The following TENM3 variants were observed in gnomAD, a reference collection of about 807,000 sequenced individuals.
The protein encoded by TENM3 is teneurin transmembrane protein 3, also known as teneurin-3.
TENM3 carries 63 observed loss-of-function variants against 255.1 expected under a neutral mutation model. The ratio of observed to expected loss-of-function variants is 0.25; its 90% CI spans 0.20 to 0.30. The LOEUF (loss-of-function observed/expected upper bound fraction) is 0.30. TENM3 is among the 10% of genes least tolerant of loss of function. The probability of loss-of-function intolerance (pLI) is 1.00; values close to 1 mark genes in which losing one functional copy is unlikely to be tolerated. For missense variants in TENM3, 2,929 were observed against 3,461.1 expected (o/e 0.85, Z 3.86); for synonymous variants, 1,306 against 1,322.3 (o/e 0.99, Z 0.27).
At chr4:181,528,163 GATAC>G in the TENM3 span, among the ~76,000 whole-genome samples, 6 of 130,836 alleles carry the variant, frequency 4.6e-5, no homozygotes, top group South Asian at 6.0e-4. Flanking sequence ...TTATAAAATA[GATAC>G]TTAATATACA....
chr4:181,722,702 T>TA, the TENM3 span, among the ~76,000 whole-genome samples: 1 of 152,244 alleles, frequency 6.6e-6, no homozygotes, highest in Admixed American at 6.5e-5. Flanking sequence ...TAGTACATTT[T>TA]AAAATGAAAT....
chr4:181,749,427 T>G, the TENM3 span, among the ~76,000 whole-genome samples: 1 of 152,244 alleles, frequency 6.6e-6, no homozygotes, highest in African/African-American at 2.4e-5. Context: ...GTAAAGACCT[T>G]AAAACAGATC....
intron 3 of TENM3, among the ~76,000 whole-genome samples, chr4:182,568,121 A>C (rs376204354): frequency 5.2e-4 from 79 of 152,314 alleles, no homozygotes; most frequent in African/African-American, 1.7e-3. Flanking sequence ...TTCATCAGCA[A>C]ATCCTGCCAG....
intron 22 of TENM3, among the ~76,000 whole-genome samples, chr4:182,765,638 G>A (rs371956908): frequency 2.8e-4 from 42 of 151,574 alleles, no homozygotes; most frequent in East Asian, 1.4e-3. Flanking sequence ...ACTCACCTCC[G>A]TTTCCCAAGT....
At chr4:182,070,677 A>G in the TENM3 span, among the ~76,000 whole-genome samples, 27 of 152,168 alleles carry the variant, frequency 1.8e-4, no homozygotes, top group African/African-American at 6.5e-4. Context: ...TAAAGCAGTG[A>G]CAGATGAGTC....
At chr4:181,930,016 C>T in the TENM3 span, among the ~76,000 whole-genome samples, 1 of 151,966 alleles carries the variant, frequency 6.6e-6, no homozygotes, top group African/African-American at 2.4e-5. Context: ...TGGAACAGAG[C>T]TAAAGCAGTG....
rs775371678 is a variant in TENM3 at position 182,751,832 on chromosome 4, C to T, written c.3662C>T (p.Thr1221Met). ...CCAGCTCATAGATACTACCTTGCAA[C>T]GGATCCAGTCACGGGAGATCTGTAC... ...SNPAHRYYLATDPVTGDLYVS... is the reference protein window; with the variant it reads ...SNPAHRYYLAMDPVTGDLYVS... Residue 1221 changes from threonine (T) to methionine (M), a missense_variant, in exon 20 of 28, where the codon ACG (threonine) becomes ATG (methionine). Thr to Met is a moderately conservative substitution (Grantham distance 81, BLOSUM62 -1). Coordinates refer to ENST00000511685, the MANE Select transcript of TENM3 (RefSeq NM_001080477.4). 49 of 1,613,808 alleles carry T rather than the reference C, an allele frequency of 3.0e-5. No individual in the cohort carries two copies. The highest frequency in any genetic ancestry group is 1.7e-4 in the Admixed American group (10 of 60,006).
intron 1 of TENM3, among the ~76,000 whole-genome samples, chr4:182,266,666 A>T (rs1759264254): frequency 6.6e-6 from 1 of 152,194 alleles, no homozygotes. Context: ...GGCATATTTG[A>T]TATAAAAATC....
rs1202639171 is a variant in TENM3 at position 182,792,260 on chromosome 4, TTC to T, written c.5602-8_5602-7del. On this transcript the variant is annotated splice_polypyrimidine_tract_variant and intron_variant, in intron 25 of 27. Coordinates refer to ENST00000511685, the MANE Select transcript of TENM3 (RefSeq NM_001080477.4). The surrounding 1 kb of genome is among the most constrained non-coding windows in gnomAD (Gnocchi z 6.3). ...TTCACAAACACTGAGTAACAGTATG[TTC>T]TCTCTTTACAGTCCATGGTTCTTCT... 6.2e-7 allele frequency: 1 copy of T among 1,603,806 alleles called. No homozygotes were observed. The highest frequency in any genetic ancestry group is 1.3e-5 in the African/African-American group (1 of 74,744).
the TENM3 span, among the ~76,000 whole-genome samples, chr4:181,648,071 C>T: frequency 2.0e-5 from 3 of 152,224 alleles, no homozygotes; most frequent in East Asian, 3.9e-4. Context: ...CCTGTAGTCC[C>T]GTGTTGCACA....
At chr4:181,665,126 T>C in the TENM3 span, among the ~76,000 whole-genome samples, 1 of 152,152 alleles carries the variant, frequency 6.6e-6, no homozygotes, top group African/African-American at 2.4e-5. Context: ...TGGCAGTTGG[T>C]GAAGTCAGGT....
intron 1 of TENM3, among the ~76,000 whole-genome samples, chr4:182,293,396 A>G (rs959469531): frequency 6.6e-6 from 1 of 152,176 alleles, no homozygotes; most frequent in African/African-American, 2.4e-5. Context: ...CAAACCTTCC[A>G]TGCAGGAAAA....
intron 22 of TENM3, among the ~76,000 whole-genome samples, chr4:182,764,958 G>T (rs1267759092): frequency 6.6e-6 from 1 of 152,208 alleles, no homozygotes; most frequent in East Asian, 1.9e-4. Flanking sequence ...GTAACTTGCT[G>T]TCTGAATGTA....
At chr4:181,858,623 C>T in the TENM3 span, among the ~76,000 whole-genome samples, 2 of 152,312 alleles carry the variant, frequency 1.3e-5, no homozygotes, top group East Asian at 3.9e-4. Context: ...TCCTACCTGA[C>T]AGCTTGTGCT....
intron 3 of TENM3, among the ~76,000 whole-genome samples, chr4:182,488,354 CAAG>C (rs1157297465): frequency 6.6e-6 from 1 of 152,078 alleles, no homozygotes; most frequent in African/African-American, 2.4e-5. Flanking sequence ...ATTTAATTTC[CAAG>C]AAGGAGTTCT....
At position 182,586,064 on chromosome 4, in the gene TENM3, G is replaced by A. The variant is rs566582761; in HGVS notation, c.512-14860G>A. On this transcript the variant is annotated intron_variant, in intron 3 of 27. Coordinates refer to ENST00000511685, the MANE Select transcript of TENM3 (RefSeq NM_001080477.4). ...AGACCACAAATGTGGGACCATGTGGGGCAATATAGCAAGACCCCCACCTCT... is the reference window on the plus strand; with the variant it reads ...AGACCACAAATGTGGGACCATGTGGAGCAATATAGCAAGACCCCCACCTCT... 8.9e-4 allele frequency among the ~76,000 whole-genome samples: 136 copies of A among 152,298 alleles called. 1 individual carries two copies. The highest frequency in any genetic ancestry group is 4.8e-3 in the South Asian group (23 of 4,822).
At chr4:181,807,446 C>T in the TENM3 span, among the ~76,000 whole-genome samples, 388 of 152,284 alleles carry the variant, frequency 2.5e-3, 1 homozygote, top group Non-Finnish European at 2.1e-3. Context: ...CTCCGCCTCC[C>T]GGGTTCAAGT....
intron 4 of TENM3, 96 bp downstream of exon 4, chr4:182,601,257 T>G: frequency 1.3e-6 from 1 of 775,938 alleles, no homozygotes; most frequent in Non-Finnish European, 1.8e-6. Context: ...TTTTGGGGTT[T>G]TGTTGTTGTT....
the TENM3 span, among the ~76,000 whole-genome samples, chr4:181,797,981 G>C: frequency 0.18 from 27,138 of 152,074 alleles, 3,136 homozygotes; most frequent in Non-Finnish European, 0.26. Flanking sequence ...GATAGAATCT[G>C]CATTTTTCAG....
Sources: gnomAD v4.1 joint callset for allele counts (sites outside exome capture counted in the v4.1 genomes callset) on GRCh38, gnomAD v4.1.1 for gene constraint, Gnocchi (gnomAD v3.1) non-coding constraint, MANE v1.5 for transcripts, NCBI Gene and HGNC (gene_info 2026-07-23, HGNC 2026-07-21) for gene names.